Variants in PPP3CA observed in about 807,000 individuals in gnomAD.
PPP3CA encodes the protein CAM-PRP catalytic subunit.
Under a neutral mutation model 66.5 loss-of-function variants are expected in PPP3CA, and 14 were observed. That is an observed-to-expected ratio of 0.21 (90% CI 0.14 to 0.33). The LOEUF (loss-of-function observed/expected upper bound fraction) is 0.33, where lower values mean the gene tolerates loss of function less well. PPP3CA is among the 10% of genes least tolerant of loss of function. The pLI is 1.00. For missense variants in PPP3CA, 317 were observed against 639.5 expected (o/e 0.50, Z 5.44); for synonymous variants, 232 against 226.2 (o/e 1.03, Z -0.23).
intron 1 of PPP3CA, among the ~76,000 whole-genome samples, chr4:101,235,497 G>A (rs563810392): frequency 2.9e-4 from 44 of 151,076 alleles, no homozygotes; most frequent in Middle Eastern, 6.8e-3. Flanking sequence ...CTGTTAGCAC[G>A]GACATGAATG....
intron 2 of PPP3CA, among the ~76,000 whole-genome samples, chr4:101,162,233 C>CCATCAAAA (rs1553929771): frequency 6.6e-6 from 1 of 151,666 alleles, no homozygotes; most frequent in South Asian, 2.1e-4. Flanking sequence ...GAGCAAGACT[C>CCATCAAAA]TGGCCAAAAC....
intron 1 of PPP3CA, among the ~76,000 whole-genome samples, chr4:101,336,605 G>C (rs1261489020): frequency 6.6e-6 from 1 of 151,056 alleles, no homozygotes; most frequent in Non-Finnish European, 1.5e-5. Flanking sequence ...AAAGAAAGCT[G>C]TTTTTAATAG....
At chr4:101,086,415 T>A (rs1032660301) in intron 6 of PPP3CA, among the ~76,000 whole-genome samples, 2 of 152,204 alleles carry the variant, frequency 1.3e-5, no homozygotes, top group African/African-American at 4.8e-5. Context: ...CAGTTACTAT[T>A]AGATTAATTC....
chr4:101,162,130 C>T (rs1456528296), intron 2 of PPP3CA, among the ~76,000 whole-genome samples: 1 of 151,840 alleles, frequency 6.6e-6, no homozygotes, highest in Non-Finnish European at 1.5e-5. Context: ...ATCCCAGATA[C>T]TGGGGAGGCT....
chr4:101,194,982 A>C (rs905765352), intron 2 of PPP3CA, among the ~76,000 whole-genome samples: 10 of 152,116 alleles, frequency 6.6e-5, no homozygotes, highest in Admixed American at 1.3e-4. Context: ...ATAAAATAAA[A>C]AATAAAAAGG....
At chr4:101,170,916 G>A (rs746580552) in intron 2 of PPP3CA, among the ~76,000 whole-genome samples, 5 of 151,988 alleles carry the variant, frequency 3.3e-5, no homozygotes, top group South Asian at 2.1e-4. Flanking sequence ...CAAGGAGCTC[G>A]CATTCTAGTC....
intron 2 of PPP3CA, among the ~76,000 whole-genome samples, chr4:101,193,708 G>T (rs1291781441): frequency 6.6e-6 from 1 of 152,092 alleles, no homozygotes; most frequent in African/African-American, 2.4e-5. Flanking sequence ...TGAATTTTTA[G>T]GGGAAAAAAA....
At chr4:101,216,528 A>C (rs1725460178) in intron 1 of PPP3CA, among the ~76,000 whole-genome samples, 1 of 151,956 alleles carries the variant, frequency 6.6e-6, no homozygotes, top group Non-Finnish European at 1.5e-5. Flanking sequence ...TAGATTATAA[A>C]ACTTTCCTTT....
intron 10 of PPP3CA, among the ~76,000 whole-genome samples, chr4:101,051,192 G>A (rs1302212222): frequency 6.6e-6 from 1 of 152,128 alleles, no homozygotes; most frequent in Non-Finnish European, 1.5e-5. Context: ...TAAGAATAAA[G>A]AGGAAAAAAT....
At chr4:101,280,139 T>C (rs1343621374) in intron 1 of PPP3CA, among the ~76,000 whole-genome samples, 1 of 152,174 alleles carries the variant, frequency 6.6e-6, no homozygotes, top group Non-Finnish European at 1.5e-5. Context: ...TCTTAGAGCA[T>C]ATATTCTTGG....
intron 11 of PPP3CA, among the ~76,000 whole-genome samples, chr4:101,035,254 G>A (rs1309019741): frequency 6.6e-6 from 1 of 152,026 alleles, no homozygotes; most frequent in Non-Finnish European, 1.5e-5. Flanking sequence ...GAGCGCAAGA[G>A]CGAGACCGTC....
rs188938285 is a variant in PPP3CA, at chr4:101,306,571, A to C, written c.58+40168T>G. ...AACAAATATGGGCTGTACACCCACC[A>C]CCTTCACTTCTCGGAAGAATAAGAG... On this transcript the variant is annotated intron_variant, in intron 1 of 13. Transcript: ENST00000394854. Among the ~76,000 whole-genome samples, 806 of 152,264 alleles carry C rather than the reference A, an allele frequency of 5.3e-3. 8 individuals carry two copies. The highest frequency in any genetic ancestry group is 0.018 in the African/African-American group (753 of 41,540).
intron 6 of PPP3CA, among the ~76,000 whole-genome samples, chr4:101,086,388 C>T (rs1460373753): frequency 6.6e-6 from 1 of 152,022 alleles, no homozygotes; most frequent in East Asian, 1.9e-4. Flanking sequence ...GAAAAATTGG[C>T]TTGGCAGTAG....
At chr4:101,229,730 T>C (rs1315249266) in intron 1 of PPP3CA, among the ~76,000 whole-genome samples, 11 of 151,588 alleles carry the variant, frequency 7.3e-5, no homozygotes, top group Admixed American at 4.6e-4. Flanking sequence ...CCTTCTGTAC[T>C]GTACATATTC....
intron 1 of PPP3CA, among the ~76,000 whole-genome samples, chr4:101,220,308 T>TTA (rs1049212594): frequency 2.6e-5 from 4 of 151,224 alleles, no homozygotes; most frequent in Non-Finnish European, 4.4e-5. Flanking sequence ...CGTTTTTTTT[T>TTA]TTATTTGTTT....
At chr4:101,152,259 T>C (rs545953826) in intron 2 of PPP3CA, among the ~76,000 whole-genome samples, 7 of 152,350 alleles carry the variant, frequency 4.6e-5, no homozygotes, top group African/African-American at 1.4e-4. Flanking sequence ...TGGAAAATCA[T>C]ATAGTACTTT....
chr4:101,099,241 T>A (rs1386023777), intron 4 of PPP3CA, among the ~76,000 whole-genome samples: 1 of 152,150 alleles, frequency 6.6e-6, no homozygotes, highest in East Asian at 1.9e-4. Context: ...CTAGTATTCA[T>A]TTATTGGGTC....
At chr4:101,293,979 C>G (rs192996328) in intron 1 of PPP3CA, among the ~76,000 whole-genome samples, 1 of 151,998 alleles carries the variant, frequency 6.6e-6, no homozygotes, top group African/African-American at 2.4e-5. Context: ...ATGAATGTAC[C>G]GAGATAGGAA....
intron 1 of PPP3CA, among the ~76,000 whole-genome samples, chr4:101,299,230 G>A (rs1269417415): frequency 6.9e-5 from 10 of 144,032 alleles, no homozygotes; most frequent in Non-Finnish European, 1.4e-4. Flanking sequence ...TGGAATTACA[G>A]GCATAAGCCA....
Sources: allele counts gnomAD v4.1 joint callset (sites outside exome capture counted in the v4.1 genomes callset), GRCh38; gene constraint gnomAD v4.1.1; transcripts MANE v1.5; gene names NCBI Gene and HGNC (gene_info 2026-07-23, HGNC 2026-07-21).